The following HGH1 variants were observed in gnomAD, a reference collection of about 807,000 sequenced individuals.
HGH1 encodes HGH1 cochaperone.
A neutral mutation model predicts 31.7 loss-of-function variants in HGH1; 31 were observed. The observed-to-expected ratio is 0.98, with a 90% CI of 0.73 to 1.32. The LOEUF is 1.32. Among genes scored for constraint, HGH1 ranks in the 40% most tolerant of loss-of-function variants. The pLI is 0.00. For synonymous variants in HGH1, 284 were observed against 293.6 expected (o/e 0.97, Z 0.34); for missense variants, 618 against 594.4 (o/e 1.04, Z -0.41).
intron 2 of HGH1, 21 bp downstream of exon 2, chr8:144,138,628 G>A (rs1413470442): frequency 6.2e-7 from 1 of 1,603,716 alleles, no homozygotes; most frequent in Admixed American, 1.7e-5. Flanking sequence ...GGTGTGGCGG[G>A]GGTGCGTTGC....
intron 3 of HGH1, 65 bp downstream of exon 3, chr8:144,138,878 A>T: frequency 6.2e-7 from 1 of 1,605,206 alleles, no homozygotes; most frequent in Non-Finnish European, 8.5e-7. Flanking sequence ...AGGGAGAGAG[A>T]GGTGTCCAGG....
Position 144,140,474 on chromosome 8 carries a change from C to T in HGH1, c.*922C>T, listed in dbSNP as rs900011767. ...GCCACACTTCCCTTCCTGAGCTGAC[C>T]TGACCTCACTGCCACCTCTTGCATT... is the stretch of plus-strand genomic sequence containing the variant. On this transcript the variant is annotated 3_prime_UTR_variant, in exon 6 of 6. Transcript: ENST00000347708. 33 of 152,506 alleles carry T rather than the reference C, an allele frequency of 2.2e-4. No homozygotes were observed. The highest frequency in any genetic ancestry group is 4.5e-4 in the Non-Finnish European group (31 of 68,258). The allele number at this position is 152,506 out of a possible 1,614,324, so 9.4% of individuals were successfully genotyped here. A position where few individuals can be genotyped will look rare whatever the true frequency, so the allele number is the denominator to read the frequency against.
Position 144,138,990 on chromosome 8 carries a change from C to T in HGH1, c.794-19C>T, listed in dbSNP as rs1361780884. On this transcript the variant is annotated intron_variant, in intron 3 of 5. Transcript: ENST00000347708. ...TGCCCAGCCCAGGGACACAGTGGCTCCCACACACTCACCCCTAGGGCTGCC... is the reference window on the plus strand; with the variant it reads ...TGCCCAGCCCAGGGACACAGTGGCTTCCACACACTCACCCCTAGGGCTGCC... The T allele has an allele frequency of 1.2e-6, 2 of 1,612,312 alleles. No individual in the cohort carries two copies. The highest frequency in any genetic ancestry group is 2.2e-5 in the East Asian group (1 of 44,868).
At position 144,138,105 on chromosome 8, in the gene HGH1, C is replaced by A. The variant is rs1378563177; in HGVS notation, c.270C>A (p.Ala90=). ...DAARALVNLA[A]DPGLHETLLA... ...CCCGCGCGCTCGTGAACTTGGCCGC[C>A]GACCCCGGCCTGCACGAGACATTGC... The change falls in exon 1 of 6, where the codon GCC becomes GCA. Residue 90 remains alanine (A), a synonymous_variant. Transcript: ENST00000347708. 2.5e-5 allele frequency: 33 copies of A among 1,328,242 alleles called. No homozygotes were observed. In the East Asian group the frequency reaches 1.0e-3, roughly 42 times the overall value. The allele number at this position is 1,328,242 out of a possible 1,614,324, so 82.3% of individuals were successfully genotyped here. A position where few individuals can be genotyped will look rare whatever the true frequency, so the allele number is the denominator to read the frequency against.
At chr8:144,139,341 G>C in intron 5 of HGH1, 30 bp downstream of exon 5, 1 of 1,613,928 alleles carries the variant, frequency 6.2e-7, no homozygotes, top group East Asian at 2.2e-5. Context: ...GGCTGGGGAA[G>C]GGGTGTCTGT....
Position 144,138,483 on chromosome 8 carries a change from GCCCTAAGTGACA to G in HGH1, c.594-21_594-10del. On this transcript the variant is annotated splice_polypyrimidine_tract_variant and intron_variant, in intron 1 of 5. Transcript: ENST00000347708. ...GAGGGGACGGAAGTTAGGGGGGACG[GCCCTAAGTGACA>G]CCTCCCAACAGGTGCGTGGTCCAGC... 1.2e-6 allele frequency: 2 copies of G among 1,601,450 alleles called. No homozygotes were observed. The highest frequency in any genetic ancestry group is 1.7e-6 in the Non-Finnish European group (2 of 1,176,308).
chr8:144,139,104 A>T lies in HGH1; in HGVS notation c.885+4A>T. Reference sequence around the variant, plus strand: ...GCTTGTTGAAGCCATCATGCTGGTGAGCAGGAGCCCTGCTGCAATAAGCAC... The same window carrying T: ...GCTTGTTGAAGCCATCATGCTGGTGTGCAGGAGCCCTGCTGCAATAAGCAC... On this transcript the variant is annotated splice_donor_region_variant and intron_variant, in intron 4 of 5. Transcript: ENST00000347708. The T allele has an allele frequency of 6.2e-7, 1 of 1,614,000 alleles. No individual in the cohort carries two copies. The highest frequency in any genetic ancestry group is 1.1e-5 in the South Asian group (1 of 91,084).
rs1358173986 is a variant in HGH1 at position 144,138,072 on chromosome 8, G to A, written c.237G>A (p.Arg79=). 1.1e-3 allele frequency: 1,451 copies of A among 1,314,568 alleles called. 1 individual carries two copies. Among genetic ancestry groups the A allele is most frequent in the Non-Finnish European group, 1.4e-3 (1,397 of 1,026,840 alleles). 81.4% of individuals were successfully genotyped at this position (1,314,568 alleles called of 1,614,324 possible). A position where few individuals can be genotyped will look rare whatever the true frequency, so the allele number is the denominator to read the frequency against. The change falls in exon 1 of 6, where the codon CGG becomes CGA. Residue 79 remains arginine, a synonymous_variant. Coordinates refer to ENST00000347708, the MANE Select transcript of HGH1 (RefSeq NM_016458.4). ...MELAPASAPA[R]DAARALVNLA... is the part of the protein sequence containing the mutation. ...TGGCGCCGGCCTCTGCCCCGGCCCG[G>A]GACGCCGCCCGCGCGCTCGTGAACT...
rs1348937574 is a variant in HGH1 at position 144,138,521 on chromosome 8, G to GGCT, written c.614_616dup (p.Leu205dup). On this transcript the variant is annotated inframe_insertion, in exon 2 of 6. Coordinates refer to ENST00000347708, the MANE Select transcript of HGH1 (RefSeq NM_016458.4). ...CCTCCCAACAGGTGCGTGGTCCAGC[G>GGCT]GCTGCTGCCCCTTACCCAGTACCCC... The GGCT allele has an allele frequency of 1.1e-4, 185 of 1,610,592 alleles. No homozygotes were observed. Among genetic ancestry groups the GGCT allele is most frequent in the Admixed American group, 6.2e-4 (37 of 59,812 alleles).
Position 144,139,301 on chromosome 8 carries a change from A to G in HGH1, c.998A>G (p.Lys333Arg). 1 of 1,613,980 alleles carries G rather than the reference A, an allele frequency of 6.2e-7. No homozygotes were observed. Among genetic ancestry groups the G allele is most frequent in the Non-Finnish European group, 8.5e-7 (1 of 1,179,856 alleles). ...PEPDVRTACE[K>R]LIQVLIGDEP... ...CCCGACGTGCGGACGGCTTGTGAGA[A>G]GCTCATCCAGGTTGGTGCAGGGTTG... The change falls in exon 5 of 6, where the codon AAG (lysine) becomes AGG (arginine). Residue 333 changes from lysine to arginine, a missense_variant. Coordinates refer to ENST00000347708, the MANE Select transcript of HGH1 (RefSeq NM_016458.4).
chr8:144,138,232 C>A lies in HGH1; in HGVS notation c.397C>A (p.Arg133Ser). 3 of 1,381,574 alleles carry A rather than the reference C, an allele frequency of 2.2e-6. No homozygotes were observed. The highest frequency in any genetic ancestry group is 1.5e-5 in the African/African-American group (1 of 65,192). The allele number at this position is 1,381,574 out of a possible 1,614,324, so 85.6% of individuals were successfully genotyped here. A position where few individuals can be genotyped will look rare whatever the true frequency, so the allele number is the denominator to read the frequency against. Residue 133 changes from arginine (R) to serine (S), a missense_variant, in exon 1 of 6, where the codon CGC (arginine) becomes AGC (serine). Arg to Ser is a moderately radical substitution (Grantham distance 110, BLOSUM62 -1). Transcript: ENST00000347708. The part of the protein sequence containing the change: ...EAAAALANLS[R>S]EPAPCAALMA... The stretch of plus-strand genomic sequence containing the variant: ...GGCCGCCGCGCTAGCCAACCTCAGT[C>A]GCGAGCCGGCGCCGTGTGCAGCGCT...
Position 144,137,834 on chromosome 8 carries a change from A to G in HGH1, c.-2A>G. ...TCGGGTGGCAGCAGAGTGTCGCTCGACATGGGGGAGGCCGGGGCTGGCGCT... is the reference window on the plus strand; with the variant it reads ...TCGGGTGGCAGCAGAGTGTCGCTCGGCATGGGGGAGGCCGGGGCTGGCGCT... On this transcript the variant is annotated 5_prime_UTR_variant, in exon 1 of 6. Coordinates refer to ENST00000347708, the MANE Select transcript of HGH1 (RefSeq NM_016458.4). 2.3e-6 allele frequency: 3 copies of G among 1,278,156 alleles called. No homozygotes were observed. Among genetic ancestry groups the G allele is most frequent in the Non-Finnish European group, 3.0e-6 (3 of 1,014,124 alleles). 79.2% of individuals were successfully genotyped at this position (1,278,156 alleles called of 1,614,324 possible).
At chr8:144,139,131 A>AC in intron 4 of HGH1, 31 bp downstream of exon 4, 1 of 1,613,866 alleles carries the variant, frequency 6.2e-7, no homozygotes, top group Non-Finnish European at 8.5e-7. Context: ...AATAAGCACC[A>AC]CCCCAACACA....
chr8:144,138,029 TG>T lies in HGH1; in HGVS notation c.195del (p.Gln66ArgfsTer3). The T allele has an allele frequency of 7.6e-7, 1 of 1,308,404 alleles. No individual in the cohort carries two copies. The allele number at this position is 1,308,404 out of a possible 1,614,324, so 81.0% of individuals were successfully genotyped here. On this transcript the variant is annotated frameshift_variant, in exon 1 of 6. Transcript: ENST00000347708. LOFTEE classifies it high-confidence loss of function. ...CTGTTGGCGGGGCAGGCGGCGCTGCTGCAGGCGCTGATGGAGCTGGCGCCGG... is the reference window on the plus strand; with the variant it reads ...CTGTTGGCGGGGCAGGCGGCGCTGCTCAGGCGCTGATGGAGCTGGCGCCGG... ...RALLAGQAALLQALMELAPAS... is the reference protein window; with the variant it reads ...RALLAGQAALXQALMELAPAS...
chr8:144,138,407 C>A lies in HGH1; in HGVS notation c.572C>A (p.Ala191Asp). ...CTCAGCCAACGCCCTGCGGCGCGGG[C>A]CTTCCTACTGGACCCCGACAGGTGA... ...SNLSQRPAAR[A>D]FLLDPDRCVV... Residue 191 changes from alanine to aspartate, a missense_variant, in exon 1 of 6, where the codon GCC becomes GAC. Transcript: ENST00000347708. 1 of 1,588,280 alleles carries A rather than the reference C, an allele frequency of 6.3e-7. No homozygotes were observed.
Position 144,138,072 on chromosome 8 carries a change from G to T in HGH1, c.237G>T (p.Arg79=). The change falls in exon 1 of 6, where the codon CGG becomes CGT. Residue 79 remains arginine, a synonymous_variant. Coordinates refer to ENST00000347708, the MANE Select transcript of HGH1 (RefSeq NM_016458.4). ...MELAPASAPA[R]DAARALVNLA... ...TGGCGCCGGCCTCTGCCCCGGCCCG[G>T]GACGCCGCCCGCGCGCTCGTGAACT... 1 of 1,314,676 alleles carries T rather than the reference G, an allele frequency of 7.6e-7. No individual in the cohort carries two copies. The highest frequency in any genetic ancestry group is 1.8e-5 in the South Asian group (1 of 56,650). 81.4% of individuals were successfully genotyped at this position (1,314,676 alleles called of 1,614,324 possible).
In HGH1 at chr8:144,139,759, T is replaced by A; in HGVS notation, c.*207T>A. 1 of 742,576 alleles carries A rather than the reference T, an allele frequency of 1.3e-6. No homozygotes were observed. The highest frequency in any genetic ancestry group is 2.1e-6 in the Non-Finnish European group (1 of 465,410). 46.0% of individuals were successfully genotyped at this position (742,576 alleles called of 1,614,324 possible). ...TTGCTACCAGCAAGAATGAAGGTTGTGCAGAGCAGTACTGTGAGGTAGGCA... is the reference window on the plus strand; with the variant it reads ...TTGCTACCAGCAAGAATGAAGGTTGAGCAGAGCAGTACTGTGAGGTAGGCA... On this transcript the variant is annotated 3_prime_UTR_variant, in exon 6 of 6. Coordinates refer to ENST00000347708, the MANE Select transcript of HGH1 (RefSeq NM_016458.4).
chr8:144,138,566 G>A lies in HGH1; in HGVS notation c.653G>A (p.Gly218Asp), dbSNP rs973672349. 5.2e-4 allele frequency: 842 copies of A among 1,612,876 alleles called. 1 individual carries two copies. The highest frequency in any genetic ancestry group is 6.5e-4 in the Non-Finnish European group (764 of 1,179,580). ...TQYPDSSVRR[G>D]GVVGTLRNCC... ...TACCCCGACTCCTCTGTACGCAGGG[G>A]CGGGGTGGTGGGGACGCTGCGGAAT... Residue 218 changes from glycine (G) to aspartate (D), a missense_variant, in exon 2 of 6, where the codon GGC becomes GAC. By Grantham distance (94) the Gly-to-Asp change is moderately conservative (BLOSUM62 -1). Coordinates refer to ENST00000347708, the MANE Select transcript of HGH1 (RefSeq NM_016458.4).
Position 144,139,593 on chromosome 8 carries a change from C to G in HGH1, c.*41C>G. On this transcript the variant is annotated 3_prime_UTR_variant, in exon 6 of 6. Transcript: ENST00000347708. The stretch of plus-strand genomic sequence containing the variant: ...ACACCAGCTCCAGGGTCCCCTTTGC[C>G]AGGCTTTCTCAGACCAGGCCTTCCT... 1 of 1,548,464 alleles carries G rather than the reference C, an allele frequency of 6.5e-7. No individual in the cohort carries two copies. Among genetic ancestry groups the G allele is most frequent in the South Asian group, 1.2e-5 (1 of 83,966 alleles).
Sources: allele counts gnomAD v4.1 joint callset, GRCh38; gene constraint gnomAD v4.1.1; transcripts MANE v1.5; gene names NCBI Gene and HGNC (gene_info 2026-07-23, HGNC 2026-07-21).